The following PLPPR1 variants were observed in gnomAD, a reference collection of about 807,000 sequenced individuals.
PLPPR1 encodes phospholipid phosphatase related 1.
PLPPR1 carries 10 observed loss-of-function variants against 33.1 expected under a neutral mutation model. The ratio of observed to expected loss-of-function variants is 0.30; its 90% CI spans 0.19 to 0.51. The LOEUF (loss-of-function observed/expected upper bound fraction) is 0.51, where lower values mean the gene tolerates loss of function less well. PLPPR1 is among the 20% of genes least tolerant of loss of function. The probability of loss-of-function intolerance (pLI) is 0.97; values close to 1 mark genes in which losing one functional copy is unlikely to be tolerated. For missense variants in PLPPR1, 304 were observed against 408.1 expected, an observed-to-expected ratio of 0.74 and a Z score of 2.20; for synonymous variants, 151 against 151.0, an observed-to-expected ratio of 1.00 and a Z score of 0.00.
At chr9:101,212,918 A>G (rs936979137) in intron 2 of PLPPR1, among the ~76,000 whole-genome samples, 4 of 152,062 alleles carry the variant, frequency 2.6e-5, no homozygotes, top group Admixed American at 1.3e-4. Flanking sequence ...AGAGTATTTT[A>G]TTTCTTTTAT....
At chr9:101,250,959 C>T (rs1827703500) in intron 2 of PLPPR1, among the ~76,000 whole-genome samples, 1 of 151,998 alleles carries the variant, frequency 6.6e-6, no homozygotes, top group African/African-American at 2.4e-5. Flanking sequence ...TTTTCAGTCT[C>T]ATCTCCTGGA....
intron 6 of PLPPR1, among the ~76,000 whole-genome samples, chr9:101,313,224 T>C (rs1372650402): frequency 6.6e-6 from 1 of 152,204 alleles, no homozygotes; most frequent in African/African-American, 2.4e-5. Context: ...CAGCTGGCTC[T>C]ACCCCTTTCA....
intron 1 of PLPPR1, among the ~76,000 whole-genome samples, chr9:101,141,860 C>T (rs754009537): frequency 3.9e-5 from 6 of 152,084 alleles, no homozygotes; most frequent in Non-Finnish European, 8.8e-5. Context: ...CAGTGATTCC[C>T]CACCCCAGAT....
chr9:101,251,658 A>G (rs1443920010), intron 2 of PLPPR1, among the ~76,000 whole-genome samples: 4 of 152,018 alleles, frequency 2.6e-5, no homozygotes, highest in African/African-American at 9.7e-5. Flanking sequence ...TCATCCTGAG[A>G]TAGGGCCCTT....
At chr9:101,310,805 A>G (rs997848826) in intron 5 of PLPPR1, among the ~76,000 whole-genome samples, 2 of 152,202 alleles carry the variant, frequency 1.3e-5, no homozygotes, top group African/African-American at 4.8e-5. Context: ...TATTTTGTCA[A>G]CCACCAACTA....
At chr9:101,224,809 A>G (rs1389042654) in intron 2 of PLPPR1, among the ~76,000 whole-genome samples, 1 of 152,142 alleles carries the variant, frequency 6.6e-6, no homozygotes, top group Non-Finnish European at 1.5e-5. Flanking sequence ...ATGTGGTCCC[A>G]GACTGAGAGA....
chr9:101,048,125 AATTTC>A (rs1003547389), intron 1 of PLPPR1, among the ~76,000 whole-genome samples: 3 of 152,144 alleles, frequency 2.0e-5, no homozygotes, highest in Non-Finnish European at 2.9e-5. Context: ...CATTTGGCCC[AATTTC>A]ATTTCTTCTT....
intron 1 of PLPPR1, among the ~76,000 whole-genome samples, chr9:101,078,028 G>A (rs886885538): frequency 2.0e-5 from 3 of 148,024 alleles, no homozygotes; most frequent in African/African-American, 7.6e-5. Context: ...AGACCTGGAG[G>A]AGCTAGGAGA....
At chr9:101,049,280 A>T (rs542099072) in intron 1 of PLPPR1, among the ~76,000 whole-genome samples, 2 of 152,222 alleles carry the variant, frequency 1.3e-5, no homozygotes, top group African/African-American at 4.8e-5. Flanking sequence ...ATATTTAAGG[A>T]TGTATCCAGT....
intron 4 of PLPPR1, among the ~76,000 whole-genome samples, chr9:101,301,496 G>C (rs974863825): frequency 6.6e-6 from 1 of 152,098 alleles, no homozygotes. Context: ...AAAGTGACTA[G>C]GTTCAGATTA....
intron 2 of PLPPR1, among the ~76,000 whole-genome samples, chr9:101,246,307 A>G (rs1029569692): frequency 6.6e-6 from 1 of 151,790 alleles, no homozygotes; most frequent in Non-Finnish European, 1.5e-5. Flanking sequence ...CTCCTTAGAA[A>G]AACTCTATTA....
At chr9:101,129,908 C>T (rs1831294568) in intron 1 of PLPPR1, among the ~76,000 whole-genome samples, 1 of 152,054 alleles carries the variant, frequency 6.6e-6, no homozygotes, top group Non-Finnish European at 1.5e-5. Flanking sequence ...ATTCTAATTG[C>T]AGAAGATAGA....
chr9:101,226,367 G>A (rs1434281603), intron 2 of PLPPR1, among the ~76,000 whole-genome samples: 2 of 152,164 alleles, frequency 1.3e-5, no homozygotes, highest in African/African-American at 4.8e-5. Context: ...AGGGAAAACA[G>A]CTGAAGCTAC....
At chr9:101,323,035 T>C (rs11792722) in intron 7 of PLPPR1, among the ~76,000 whole-genome samples, 6,769 of 152,280 alleles carry the variant, frequency 0.044, 188 homozygotes, top group South Asian at 0.12. Context: ...TTCTATGTAA[T>C]TTGTGACTCT....
At chr9:101,171,518 G>A (rs1418840789) in intron 1 of PLPPR1, among the ~76,000 whole-genome samples, 4 of 152,126 alleles carry the variant, frequency 2.6e-5, no homozygotes, top group Non-Finnish European at 4.4e-5. Flanking sequence ...AAACTGGAGC[G>A]AAGAGACTGT....
intron 1 of PLPPR1, among the ~76,000 whole-genome samples, chr9:101,084,489 T>C (rs1278854653): frequency 6.6e-6 from 1 of 152,158 alleles, no homozygotes; most frequent in Non-Finnish European, 1.5e-5. Context: ...ATCTACACAA[T>C]CTTCTGTGCA....
At chr9:101,167,141 G>GGTGTTTGTGTGTGTGTGTGTGTGT (rs1825869991) in intron 1 of PLPPR1, among the ~76,000 whole-genome samples, 1 of 39,648 alleles carries the variant, frequency 2.5e-5, no homozygotes. Flanking sequence ...TATGTCTCTC[G>GGTGTTTGTGTGTGTGTGTGTGTGT]GTGTGTGTGT....
In PLPPR1 at chr9:101,324,017, C is replaced by T. The variant is rs865833992; in HGVS notation, c.946-8C>T. On this transcript the variant is annotated splice_polypyrimidine_tract_variant and splice_region_variant and intron_variant, in intron 7 of 7. Coordinates refer to ENST00000374874, the MANE Select transcript of PLPPR1 (RefSeq NM_207299.2). ...CTCAGATTTTATCTGCTTGTGTTTGCTCCACAGAATCACTCTGCGTCCATG... is the reference window on the plus strand; with the variant it reads ...CTCAGATTTTATCTGCTTGTGTTTGTTCCACAGAATCACTCTGCGTCCATG... The T allele has an allele frequency of 5.0e-6, 8 of 1,611,794 alleles. 1 individual carries two copies. In the Middle Eastern group the frequency reaches 9.9e-4, roughly 200 times the overall value.
intron 2 of PLPPR1, among the ~76,000 whole-genome samples, chr9:101,192,488 C>T (rs1055528158): frequency 2.0e-5 from 3 of 151,970 alleles, no homozygotes; most frequent in African/African-American, 7.3e-5. Flanking sequence ...ATTGCTTCAT[C>T]TGTGAAATGG....
Sources: allele counts gnomAD v4.1 joint callset (sites outside exome capture counted in the v4.1 genomes callset), GRCh38; gene constraint gnomAD v4.1.1; transcripts MANE v1.5; gene names NCBI Gene and HGNC (gene_info 2026-07-23, HGNC 2026-07-21).